MAP3K9: variants seen among roughly 807,000 people sequenced by gnomAD.
MAP3K9 encodes mixed lineage kinase 1 (tyr and ser/thr specificity).
MAP3K9 carries 46 observed loss-of-function variants against 95.8 expected under a neutral mutation model. That is an observed-to-expected ratio of 0.48 (90% confidence interval 0.38 to 0.61). The LOEUF (loss-of-function observed/expected upper bound fraction) is 0.61. MAP3K9 is among the 20% of genes least tolerant of loss of function. The pLI, the probability that MAP3K9 is intolerant of heterozygous loss-of-function variation, is 0.00. For synonymous variants in MAP3K9, 533 were observed against 593.8 expected, an observed-to-expected ratio of 0.90 and a Z score of 1.49; for missense variants, 1,296 against 1,474.3, an observed-to-expected ratio of 0.88 and a Z score of 1.98.
At chr14:70,739,757 C>T in intron 7 of MAP3K9, 1 of 849,708 alleles carries the variant, frequency 1.2e-6, no homozygotes. Flanking sequence ...CATCACACAC[C>T]AGTTTCTAAA....
chr14:70,742,682 A>C, intron 5 of MAP3K9, 91 bp from the exon 6 acceptor site: 1 of 1,468,874 alleles, frequency 6.8e-7, no homozygotes, highest in South Asian at 1.3e-5. Context: ...CAGAGGGCTT[A>C]TGGTGACCTG....
chr14:70,738,373 G>A lies in MAP3K9; in HGVS notation c.1716C>T (p.Thr572=), dbSNP rs1360629063. ...IQLTPGESSK[T]WGRSSVVPKE... Reference sequence around the variant, plus strand: ...TTGGGACGACTGAGCTCCTGCCCCAGGTTTTGCTGCTTTCACCTGGTGTCA... The same window carrying A: ...TTGGGACGACTGAGCTCCTGCCCCAAGTTTTGCTGCTTTCACCTGGTGTCA... Residue 572 remains threonine (T), a synonymous_variant, in exon 8 of 12, where the codon ACC becomes ACT. Transcript: ENST00000554752. The A allele has an allele frequency of 6.2e-6, 10 of 1,613,928 alleles. No homozygotes were observed. Among genetic ancestry groups the A allele is most frequent in the Admixed American group, 5.0e-5 (3 of 59,990 alleles).
At position 70,723,600 on chromosome 14, in the gene MAP3K9, G is replaced by C. The variant is rs2053781645; in HGVS notation, c.*6780C>G. 1 of 152,124 alleles carries C rather than the reference G, an allele frequency of 6.6e-6. No homozygotes were observed. The allele number at this position is 152,124 out of a possible 1,614,324, so 9.4% of individuals were successfully genotyped here. On this transcript the variant is annotated 3_prime_UTR_variant, in exon 12 of 12. Transcript: ENST00000554752. ...GAAATGTGCTCAGAGGAAAAAGAGA[G>C]GTGACTTTGGAACCAAGCAGATCAG...
At chr14:70,750,232 C>T in intron 3 of MAP3K9, 151 bp from the exon 4 acceptor site, 2 of 822,690 alleles carry the variant, frequency 2.4e-6, no homozygotes, top group South Asian at 3.9e-5. Flanking sequence ...AAAGGGAAAC[C>T]ATAAAGCCTA....
At chr14:70,750,209 C>G (rs2054205989) in intron 3 of MAP3K9, 128 bp from the exon 4 acceptor site, 6 of 867,666 alleles carry the variant, frequency 6.9e-6, no homozygotes, top group Non-Finnish European at 1.1e-5. Context: ...AACAGAAATA[C>G]TAATGTGATA....
At chr14:70,780,549 A>G (rs2054661347) in intron 2 of MAP3K9, among the ~76,000 whole-genome samples, 2 of 152,054 alleles carry the variant, frequency 1.3e-5, no homozygotes, top group South Asian at 4.2e-4. Context: ...AACATCCTAA[A>G]ATATAACTGC....
In MAP3K9 at chr14:70,748,881, T is replaced by C. The variant is rs1566739645; in HGVS notation, c.1274A>G (p.Asn425Ser). The part of the protein sequence containing the change: ...PKDSFHCLQD[N>S]WKHEIQEMFD... ...CATCTCCTGAATCTCGTGTTTCCAG[T>C]TGTCCTGCAGGCAGTGGAAGGAGTC... Residue 425 changes from asparagine to serine, a missense_variant, in exon 5 of 12, where the codon AAC becomes AGC. Asn to Ser is a conservative substitution (Grantham distance 46, BLOSUM62 1). Around this residue, in one of 5 missense-constraint regions of MAP3K9, gnomAD observed 136 missense variants for 221.5 expected, o/e 0.61. Transcript: ENST00000554752. The C allele has an allele frequency of 3.1e-6, 5 of 1,614,036 alleles. No individual in the cohort carries two copies. Among genetic ancestry groups the C allele is most frequent in the South Asian group, 1.1e-5 (1 of 91,090 alleles).
intron 2 of MAP3K9, among the ~76,000 whole-genome samples, chr14:70,784,916 A>C (rs190684350): frequency 1.1e-4 from 16 of 152,298 alleles, no homozygotes; most frequent in Admixed American, 9.8e-4. Flanking sequence ...TGTGGGGATG[A>C]TCTACCCCAC....
Position 70,809,302 on chromosome 14 carries a change from G to A in MAP3K9, c.-131C>T. ...GGCGGCCGCAGGTAGGGCCCGGGCT[G>A]GCAGGGCTGGGAGAGCCGGCTCGCC... On this transcript the variant is annotated 5_prime_UTR_variant, in exon 1 of 12. Transcript: ENST00000554752. The A allele has an allele frequency of 8.7e-7, 1 of 1,153,830 alleles. No individual in the cohort carries two copies. Among genetic ancestry groups the A allele is most frequent in the East Asian group, 3.2e-5 (1 of 31,116 alleles). The allele number at this position is 1,153,830 out of a possible 1,614,324, so 71.5% of individuals were successfully genotyped here. A position where few individuals can be genotyped will look rare whatever the true frequency, so the allele number is the denominator to read the frequency against.
intron 2 of MAP3K9, among the ~76,000 whole-genome samples, chr14:70,776,340 A>C (rs2054598301): frequency 6.6e-6 from 1 of 152,232 alleles, no homozygotes. Context: ...TAAAAGCACC[A>C]TGGCTGAGAC....
At chr14:70,802,872 T>A (rs1453674359) in intron 1 of MAP3K9, among the ~76,000 whole-genome samples, 1 of 151,976 alleles carries the variant, frequency 6.6e-6, no homozygotes, top group African/African-American at 2.4e-5. Context: ...GGAAAAAAAA[T>A]CTACTTGATA....
Position 70,733,080 on chromosome 14 carries a change from T to C in MAP3K9, c.2289A>G (p.Thr763=), listed in dbSNP as rs754726743. The change falls in exon 11 of 12, where the codon ACA becomes ACG. Residue 763 remains threonine, a synonymous_variant. Coordinates refer to ENST00000554752, the MANE Select transcript of MAP3K9 (RefSeq NM_001284230.2). ...CTTCCAGCAAGTCAAACCCTAGGCC[T>C]GTGGCTGCCAGAACAGCCCCACAGC... ...LLGCGAVLAA[T]GLGFDLLEAG... The C allele has an allele frequency of 4.5e-5, 72 of 1,613,954 alleles. No homozygotes were observed. The highest frequency in any genetic ancestry group is 3.3e-4 in the Middle Eastern group (2 of 6,084).
intron 2 of MAP3K9, among the ~76,000 whole-genome samples, chr14:70,770,918 T>G (rs1594794087): frequency 6.6e-6 from 1 of 152,254 alleles, no homozygotes; most frequent in Non-Finnish European, 1.5e-5. Flanking sequence ...GTAGGAGGTA[T>G]GTTTTGTTTT....
At chr14:70,797,106 C>T (rs2054873207) in intron 2 of MAP3K9, among the ~76,000 whole-genome samples, 1 of 152,148 alleles carries the variant, frequency 6.6e-6, no homozygotes, top group South Asian at 2.1e-4. Flanking sequence ...ACCTTTCTAA[C>T]AGCTAGGGGT....
chr14:70,762,754 C>T (rs1379164655), intron 2 of MAP3K9, among the ~76,000 whole-genome samples: 1 of 152,018 alleles, frequency 6.6e-6, no homozygotes, highest in Non-Finnish European at 1.5e-5. Context: ...AGATGAAGTC[C>T]ACTTTATTTT....
intron 2 of MAP3K9, among the ~76,000 whole-genome samples, chr14:70,770,663 C>G (rs980385089): frequency 2.0e-5 from 3 of 152,144 alleles, no homozygotes; most frequent in African/African-American, 7.2e-5. Flanking sequence ...CCAGGCTTCC[C>G]CAGGTAGTCA....
chr14:70,803,051 G>C (rs991957464), intron 1 of MAP3K9, among the ~76,000 whole-genome samples: 3 of 151,900 alleles, frequency 2.0e-5, no homozygotes, highest in African/African-American at 7.3e-5. Flanking sequence ...CACAAGATCT[G>C]GTTGTTTAAA....
chr14:70,733,402 G>A, intron 10 of MAP3K9, 60 bp from the exon 11 acceptor site: 1 of 768,472 alleles, frequency 1.3e-6, no homozygotes, highest in African/African-American at 1.8e-5. Flanking sequence ...GCAGGAATAA[G>A]AATCTGGCCC....
At chr14:70,797,903 T>C (rs2054882745) in intron 2 of MAP3K9, among the ~76,000 whole-genome samples, 1 of 152,172 alleles carries the variant, frequency 6.6e-6, no homozygotes, top group Admixed American at 6.5e-5. Flanking sequence ...GATTTACAAC[T>C]AGCATCAACA....
Sources: gnomAD v4.1 joint callset for allele counts (sites outside exome capture counted in the v4.1 genomes callset) on GRCh38, gnomAD v4.1.1 for gene constraint, gnomAD v4.1.1 regional missense constraint, MANE v1.5 for transcripts, NCBI Gene and HGNC (gene_info 2026-07-23, HGNC 2026-07-21) for gene names.